ZFHX3: variants seen among roughly 807,000 people sequenced by gnomAD.
The protein encoded by ZFHX3 is zinc finger homeobox protein 3.
Under a neutral mutation model 279.1 loss-of-function variants are expected in ZFHX3, and 42 were observed. The observed-to-expected ratio is 0.15, with a 90% confidence interval of 0.12 to 0.19. The LOEUF (loss-of-function observed/expected upper bound fraction) is 0.19. Among genes scored for constraint, ZFHX3 ranks in the 10% least tolerant of loss-of-function variants. ZFHX3 has a pLI of 1.00. For missense variants in ZFHX3, 4,981 were observed against 4,754.0 expected, an observed-to-expected ratio of 1.05 and a Z score of -1.40; for synonymous variants, 2,293 against 1,957.8, an observed-to-expected ratio of 1.17 and a Z score of -4.52.
intron 1 of ZFHX3, among the ~76,000 whole-genome samples, chr16:72,967,189 G>A (rs1023902097): frequency 6.6e-6 from 1 of 152,146 alleles, no homozygotes; most frequent in African/African-American, 2.4e-5. Flanking sequence ...AGTTTAAGAC[G>A]TGTCTGGTGT....
chr16:73,637,421 C>T (rs374724351), intron 2 of ZFHX3, among the ~76,000 whole-genome samples: 45 of 151,264 alleles, frequency 3.0e-4, no homozygotes, highest in African/African-American at 8.7e-4. Flanking sequence ...TTACTAGAGA[C>T]GGGGTTTCAC....
At chr16:73,684,777 T>G (rs2053062166) in intron 1 of ZFHX3, among the ~76,000 whole-genome samples, 1 of 149,262 alleles carries the variant, frequency 6.7e-6, no homozygotes, top group South Asian at 2.1e-4. Context: ...CTCAGCTTAC[T>G]ACAACCTCCA....
intron 3 of ZFHX3, among the ~76,000 whole-genome samples, chr16:73,371,095 G>A (rs948083833): frequency 1.2e-4 from 19 of 152,010 alleles, no homozygotes; most frequent in Non-Finnish European, 5.9e-5. Flanking sequence ...GCCAAGGTGG[G>A]TGGATCACCT....
In ZFHX3 at chr16:72,904,296, G is replaced by A. The variant is rs1276225886; in HGVS notation, c.3217-14334C>T. On this transcript the variant is annotated intron_variant, in intron 3 of 9. Transcript: ENST00000268489. ...CAGGAGAATTTCTTGAACACAGGAG[G>A]TGGAGGTCGCAGTGAGCCGAGATCA... Among the ~76,000 whole-genome samples, 12 of 151,818 alleles carry A rather than the reference G, an allele frequency of 7.9e-5. No individual in the cohort carries two copies. In the East Asian group the frequency reaches 2.3e-3, roughly 29 times the overall value.
At chr16:73,626,420 T>C (rs1004143382) in intron 2 of ZFHX3, among the ~76,000 whole-genome samples, 1 of 152,128 alleles carries the variant, frequency 6.6e-6, no homozygotes, top group East Asian at 1.9e-4. Context: ...CATAGGAAAT[T>C]TGTACCCATA....
intron 4 of ZFHX3, among the ~76,000 whole-genome samples, chr16:72,874,738 C>A (rs1335321800): frequency 6.6e-6 from 1 of 152,090 alleles, no homozygotes; most frequent in African/African-American, 2.4e-5. Context: ...CCAGTATCCT[C>A]CTGCCACGGC....
chr16:73,713,584 G>A (rs1326730092), intron 1 of ZFHX3, among the ~76,000 whole-genome samples: 1 of 151,776 alleles, frequency 6.6e-6, no homozygotes, highest in Non-Finnish European at 1.5e-5. Flanking sequence ...GCAGCCAACG[G>A]CAGCCAAACA....
At chr16:73,891,777 C>CTCTCTCTCTTT (rs2030547817) in exon 1 of ZFHX3, 1 of 119,274 alleles carries the variant, frequency 8.4e-6, no homozygotes, top group African/African-American at 3.1e-5. Flanking sequence ...TCTCTCTCTT[C>CTCTCTCTCTTT]CTCCTCCTCT....
intron 1 of ZFHX3, among the ~76,000 whole-genome samples, chr16:73,021,016 T>C (rs1964279839): frequency 6.6e-6 from 1 of 152,194 alleles, no homozygotes; most frequent in Non-Finnish European, 1.5e-5. Context: ...CAAGGATTAG[T>C]TGAAAGGGTA....
chr16:73,801,748 T>C (rs1027107803), intron 1 of ZFHX3, among the ~76,000 whole-genome samples: 8 of 152,218 alleles, frequency 5.3e-5, no homozygotes, highest in Non-Finnish European at 8.8e-5. Context: ...ATGGGTCTAC[T>C]TGACCCTGTT....
intron 5 of ZFHX3, among the ~76,000 whole-genome samples, chr16:72,816,153 CAT>C (rs747814617): frequency 2.3e-4 from 35 of 152,260 alleles, no homozygotes; most frequent in African/African-American, 5.8e-4. Context: ...AAGTTTTTCA[CAT>C]AGTCATTTTA....
In ZFHX3 at chr16:73,799,796, G is replaced by T. The variant is rs1960091549; in HGVS notation, c.-1608+91855C>A. 3.3e-5 allele frequency among the ~76,000 whole-genome samples: 5 copies of T among 152,056 alleles called. No individual in the cohort carries two copies. In the South Asian group the frequency reaches 1.0e-3, roughly 32 times the overall value. Reference sequence around the variant, plus strand: ...CTGTGAAGAATGTGGGAGACAAAAAGCATCTCACTCTCCCATTTAAGAGAA... The same window carrying T: ...CTGTGAAGAATGTGGGAGACAAAAATCATCTCACTCTCCCATTTAAGAGAA... On this transcript the variant is annotated intron_variant, in intron 1 of 17. Transcript: ENST00000641206.
At chr16:72,995,422 G>A (rs2144581654) in intron 1 of ZFHX3, among the ~76,000 whole-genome samples, 1 of 152,266 alleles carries the variant, frequency 6.6e-6, no homozygotes, top group South Asian at 2.1e-4. Context: ...GAAACAGGAA[G>A]TCTATAAAGT....
intron 1 of ZFHX3, among the ~76,000 whole-genome samples, chr16:73,877,139 A>G (rs2142407639): frequency 7.3e-6 from 1 of 137,354 alleles, no homozygotes; most frequent in East Asian, 2.3e-4. Flanking sequence ...TGTCACAATA[A>G]GCATGTATGG....
In ZFHX3 at chr16:72,959,863, T is replaced by G. The variant is rs1262918913; in HGVS notation, c.283A>C (p.Met95Leu). The change falls in exon 2 of 10, where the codon ATG (methionine) becomes CTG (leucine). Residue 95 changes from methionine to leucine, a missense_variant. Coordinates refer to ENST00000268489, the MANE Select transcript of ZFHX3 (RefSeq NM_006885.4). ...SASFASLQTY[M>L]EHHCPSARPP... ...CGCGCGCTGGGGCAGTGGTGCTCCA[T>G]GTAGGTCTGGAGGCTGGCAAAGGAG... 1.9e-6 allele frequency: 3 copies of G among 1,602,536 alleles called. No individual in the cohort carries two copies. Among genetic ancestry groups the G allele is most frequent in the East Asian group, 2.2e-5 (1 of 44,634 alleles).
At position 73,113,625 on chromosome 16, in the gene ZFHX3, C is replaced by A. The variant is rs115314522; in HGVS notation, c.-897+17343G>T. Among the ~76,000 whole-genome samples the A allele has an allele frequency of 9.9e-3, 1,500 of 152,118 alleles. 30 individuals carry two copies. The highest frequency in any genetic ancestry group is 0.035 in the African/African-American group (1,436 of 41,494). On this transcript the variant is annotated intron_variant, in intron 7 of 17. Coordinates refer to the ZFHX3 transcript ENST00000641206. ...GAGGCAAGGAGGTGAATGCCAGCAA[C>A]AAATGCACAGGAAGGAACATTCTAG...
intron 1 of ZFHX3, among the ~76,000 whole-genome samples, chr16:72,966,532 G>A (rs1961849538): frequency 6.6e-6 from 1 of 152,184 alleles, no homozygotes; most frequent in Non-Finnish European, 1.5e-5. Context: ...GTACCTGTTG[G>A]AGCTCAGCAG....
At chr16:73,051,378 G>A (rs558297598), upstream of ZFHX3, among the ~76,000 whole-genome samples, 8 of 152,260 alleles carry the variant, frequency 5.3e-5, no homozygotes, top group East Asian at 1.5e-3. Context: ...GGTACCCGCT[G>A]GGTGGCCGAG....
intron 7 of ZFHX3, among the ~76,000 whole-genome samples, chr16:72,801,128 G>A (rs2036087323): frequency 6.6e-6 from 1 of 152,206 alleles, no homozygotes; most frequent in Non-Finnish European, 1.5e-5. Context: ...GGAAGGGTAG[G>A]TGGCGATGAT....
Sources: gnomAD v4.1 joint callset for allele counts (sites outside exome capture counted in the v4.1 genomes callset) on GRCh38, gnomAD v4.1.1 for gene constraint, MANE v1.5 for transcripts, NCBI Gene and HGNC (gene_info 2026-07-23, HGNC 2026-07-21) for gene names.